DIP2B: variants seen among roughly 807,000 people sequenced by gnomAD.
DIP2B encodes the protein DIP2 acetate--CoA ligase B (putative), also known as disco-interacting protein 2 homolog B.
Under a neutral mutation model 198.0 loss-of-function variants are expected in DIP2B, and 76 were observed. That is an observed-to-expected ratio of 0.38 (90% CI 0.32 to 0.46). DIP2B has a LOEUF of 0.46. DIP2B is among the 20% of genes least tolerant of loss of function. The pLI is 0.99. For synonymous variants in DIP2B, 701 were observed against 739.1 expected, an observed-to-expected ratio of 0.95 and a Z score of 0.84; for missense variants, 1,559 against 1,978.4, an observed-to-expected ratio of 0.79 and a Z score of 4.02.
chr12:50,505,365 C>T (rs1957957759), intron 1 of DIP2B, 125 bp downstream of exon 1: 1 of 716,100 alleles, frequency 1.4e-6, no homozygotes. Flanking sequence ...AGAACCTGGC[C>T]TGGCGCTCCA....
chr12:50,625,992 G>A lies in DIP2B; in HGVS notation c.117G>A (p.Lys39=), dbSNP rs773119511. ...LELSEGDITQ[K]GYEKKRSKLL... ...CTATTTTAGGGGACATCACCCAGAA[G>A]GGCTATGAAAAGAAAAGGTCCAAAC... The change falls in exon 2 of 38, where the codon AAG becomes AAA. Residue 39 remains lysine (K), a synonymous_variant. Transcript: ENST00000301180. The A allele has an allele frequency of 3.7e-6, 6 of 1,613,908 alleles. No homozygotes were observed. The African/African-American group carries it at 6.7e-5, about 18-fold the overall frequency.
In DIP2B at chr12:50,744,844, C is replaced by T. The variant is rs1246501880; in HGVS notation, c.*5C>T. ...TACGTGGCTTATAACATGTAACCAGCCTTGTGGGGACTGCAGTGGGCCATT... is the reference window on the plus strand; with the variant it reads ...TACGTGGCTTATAACATGTAACCAGTCTTGTGGGGACTGCAGTGGGCCATT... On this transcript the variant is annotated 3_prime_UTR_variant, in exon 38 of 38. Coordinates refer to ENST00000301180, the MANE Select transcript of DIP2B (RefSeq NM_173602.3). 1 of 1,613,628 alleles carries T rather than the reference C, an allele frequency of 6.2e-7. No individual in the cohort carries two copies. The highest frequency in any genetic ancestry group is 1.1e-5 in the South Asian group (1 of 91,076).
intron 1 of DIP2B, among the ~76,000 whole-genome samples, chr12:50,534,447 ACTGCAAC>A (rs2139367103): frequency 7.6e-6 from 1 of 132,144 alleles, no homozygotes; most frequent in Admixed American, 9.5e-5. Context: ...ATCTCGGTTC[ACTGCAAC>A]CTCCACCTCC....
At chr12:50,523,356 T>A (rs964795160) in intron 1 of DIP2B, among the ~76,000 whole-genome samples, 1 of 152,058 alleles carries the variant, frequency 6.6e-6, no homozygotes, top group African/African-American at 2.4e-5. Flanking sequence ...AAAAAAAAAA[T>A]CTGTACATGT....
intron 22 of DIP2B, among the ~76,000 whole-genome samples, chr12:50,711,469 AT>A (rs1939613360): frequency 6.6e-6 from 1 of 152,172 alleles, no homozygotes; most frequent in Admixed American, 6.5e-5. Context: ...CAGACTTTCC[AT>A]TTCCCAGTCA....
At chr12:50,735,622 G>A (rs1201753623) in intron 34 of DIP2B, among the ~76,000 whole-genome samples, 4 of 151,930 alleles carry the variant, frequency 2.6e-5, no homozygotes, top group Non-Finnish European at 5.9e-5. Context: ...CTGCCCCCAC[G>A]CCCAGCTAAT....
intron 1 of DIP2B, among the ~76,000 whole-genome samples, chr12:50,541,062 ACT>A (rs1354363618): frequency 6.6e-6 from 1 of 152,104 alleles, no homozygotes; most frequent in East Asian, 1.9e-4. Flanking sequence ...TTACATTAAC[ACT>A]CTTTTCCTTT....
At chr12:50,611,978 T>G (rs1450953182) in intron 1 of DIP2B, among the ~76,000 whole-genome samples, 1 of 151,020 alleles carries the variant, frequency 6.6e-6, no homozygotes, top group Non-Finnish European at 1.5e-5. Context: ...GCAGGAAGAT[T>G]GCTTGAACCC....
At chr12:50,700,621 T>C (rs759499340) in intron 19 of DIP2B, among the ~76,000 whole-genome samples, 2 of 152,230 alleles carry the variant, frequency 1.3e-5, no homozygotes, top group South Asian at 4.1e-4. Flanking sequence ...TAAGAGCTCC[T>C]GGGCTGAACC....
At chr12:50,686,898 A>G (rs1016689944) in intron 12 of DIP2B, 7 of 408,416 alleles carry the variant, frequency 1.7e-5, no homozygotes, top group African/African-American at 1.4e-4. Context: ...ACGGCAAAAA[A>G]AAAAGGATTC....
intron 14 of DIP2B, 113 bp downstream of exon 14, chr12:50,693,126 G>T (rs909001538): frequency 2.2e-5 from 23 of 1,038,010 alleles, no homozygotes; most frequent in Non-Finnish European, 3.2e-5. Context: ...TCCCCAAAAG[G>T]TCAGTAATAT....
In DIP2B at chr12:50,723,334, G is replaced by A. The variant is rs1244408881; in HGVS notation, c.3288+11G>A. 1 of 1,614,046 alleles carries A rather than the reference G, an allele frequency of 6.2e-7. No homozygotes were observed. Among genetic ancestry groups the A allele is most frequent in the Non-Finnish European group, 8.5e-7 (1 of 1,179,964 alleles). On this transcript the variant is annotated intron_variant, in intron 27 of 37. Transcript: ENST00000301180. The stretch of plus-strand genomic sequence containing the variant: ...CGAATGATTGTTGATGTAAGTACCA[G>A]CTGTATCTTGCCTTGTCCTCATCTC...
intron 1 of DIP2B, among the ~76,000 whole-genome samples, chr12:50,576,936 T>C (rs1958667551): frequency 6.6e-6 from 1 of 151,938 alleles, no homozygotes; most frequent in Non-Finnish European, 1.5e-5. Context: ...CAATCTCGGC[T>C]CAGTGTAACA....
At chr12:50,510,698 T>C (rs1593564203) in intron 1 of DIP2B, among the ~76,000 whole-genome samples, 1 of 149,726 alleles carries the variant, frequency 6.7e-6, no homozygotes, top group East Asian at 2.0e-4. Context: ...CAGGCTGGAG[T>C]GTAATGGCAC....
chr12:50,567,540 T>A lies in DIP2B; in HGVS notation c.101-58436T>A, dbSNP rs571561250. ...TAACCGCTTTAAAAATCTTTTTTTT[T>A]ATTTTGAGATGGAGTCTTGCTCTGT... is the stretch of plus-strand genomic sequence containing the variant. On this transcript the variant is annotated intron_variant, in intron 1 of 37. Coordinates refer to ENST00000301180, the MANE Select transcript of DIP2B (RefSeq NM_173602.3). Among the ~76,000 whole-genome samples the A allele has an allele frequency of 5.3e-5, 8 of 152,182 alleles. No individual in the cohort carries two copies. In the East Asian group the frequency reaches 9.6e-4, roughly 18 times the overall value.
At chr12:50,645,780 A>G (rs1235985570) in intron 3 of DIP2B, among the ~76,000 whole-genome samples, 1 of 152,120 alleles carries the variant, frequency 6.6e-6, no homozygotes, top group Non-Finnish European at 1.5e-5. Flanking sequence ...TTTTTAAATA[A>G]TAAAGGCAAG....
At chr12:50,616,061 A>T (rs956323235) in intron 1 of DIP2B, among the ~76,000 whole-genome samples, 1 of 152,194 alleles carries the variant, frequency 6.6e-6, no homozygotes, top group Non-Finnish European at 1.5e-5. Flanking sequence ...TCAGTGTTTT[A>T]CTTTGTTGCT....
intron 1 of DIP2B, among the ~76,000 whole-genome samples, chr12:50,613,519 A>T (rs1341139733): frequency 1.3e-5 from 2 of 152,202 alleles, no homozygotes; most frequent in African/African-American, 4.8e-5. Flanking sequence ...GTATCTCTAA[A>T]GTCCTGCAGT....
At chr12:50,714,884 G>A (rs1015438792) in intron 23 of DIP2B, among the ~76,000 whole-genome samples, 5 of 152,120 alleles carry the variant, frequency 3.3e-5, no homozygotes, top group Non-Finnish European at 1.5e-5. Context: ...GCAGTAAACC[G>A]AGATTGCGCC....
Sources: allele counts gnomAD v4.1 joint callset (sites outside exome capture counted in the v4.1 genomes callset), GRCh38; gene constraint gnomAD v4.1.1; transcripts MANE v1.5; gene names NCBI Gene and HGNC (gene_info 2026-07-23, HGNC 2026-07-21).